The following GLIS1 variants were observed in gnomAD, a reference collection of about 807,000 sequenced individuals.
The protein encoded by GLIS1 is zinc finger protein GLIS1.
Under a neutral mutation model 63.8 loss-of-function variants are expected in GLIS1, and 24 were observed. The ratio of observed to expected loss-of-function variants is 0.38; its 90% CI spans 0.27 to 0.53. The LOEUF is 0.53. Ranked by LOEUF, GLIS1 falls within the 20% of genes least tolerant of loss-of-function variation. GLIS1 has a pLI of 0.85. For synonymous variants in GLIS1, 450 were observed against 482.5 expected (o/e 0.93, Z 0.88); for missense variants, 1,036 against 1,074.1 (o/e 0.96, Z 0.50).
At chr1:53,603,325 G>A (rs1437056285) in intron 2 of GLIS1, among the ~76,000 whole-genome samples, 1 of 152,186 alleles carries the variant, frequency 6.6e-6, no homozygotes, top group Non-Finnish European at 1.5e-5. Context: ...ACCAGGGCCA[G>A]CAAGTGGTCA....
At chr1:53,661,650 G>GT (rs981808349) in intron 2 of GLIS1, among the ~76,000 whole-genome samples, 1 of 152,128 alleles carries the variant, frequency 6.6e-6, no homozygotes, top group Non-Finnish European at 1.5e-5. Flanking sequence ...ACTCCTTAAG[G>GT]TCAAGCAGGA....
chr1:53,642,644 G>A (rs1645800294), intron 2 of GLIS1, among the ~76,000 whole-genome samples: 1 of 152,208 alleles, frequency 6.6e-6, no homozygotes, highest in Admixed American at 6.5e-5. Context: ...CTGTGCTGTA[G>A]GACTTGCCTT....
At chr1:53,731,493 T>G (rs1294065040) in intron 2 of GLIS1, among the ~76,000 whole-genome samples, 1 of 152,170 alleles carries the variant, frequency 6.6e-6, no homozygotes, top group African/African-American at 2.4e-5. Context: ...CCGCCTGGGT[T>G]TAAGAAGCTG....
At chr1:53,651,308 A>T (rs1479470626) in intron 2 of GLIS1, among the ~76,000 whole-genome samples, 2 of 152,272 alleles carry the variant, frequency 1.3e-5, no homozygotes, top group Non-Finnish European at 2.9e-5. Flanking sequence ...AATGAAAACT[A>T]TTAAGCAGTT....
At chr1:53,577,585 G>A (rs1407980022) in intron 4 of GLIS1, among the ~76,000 whole-genome samples, 3 of 152,178 alleles carry the variant, frequency 2.0e-5, no homozygotes, top group South Asian at 2.1e-4. Context: ...CTATCCACCT[G>A]AGGGCAGCCA....
At chr1:53,583,740 G>A (rs1205154190) in intron 4 of GLIS1, among the ~76,000 whole-genome samples, 3 of 152,216 alleles carry the variant, frequency 2.0e-5, no homozygotes, top group Admixed American at 6.5e-5. Flanking sequence ...ATTGCGAGGA[G>A]GAGGGGCCGG....
At chr1:53,528,139 C>T (rs910885531) in intron 5 of GLIS1, among the ~76,000 whole-genome samples, 1 of 152,152 alleles carries the variant, frequency 6.6e-6, no homozygotes, top group African/African-American at 2.4e-5. Flanking sequence ...GGCCAGGGTG[C>T]CACGGGCCCC....
At chr1:53,688,696 G>A (rs1425723245) in intron 2 of GLIS1, 1 of 152,254 alleles carries the variant, frequency 6.6e-6, no homozygotes, top group Admixed American at 6.5e-5. Context: ...AGGAAGAGGT[G>A]CTAAGGAAAA....
At chr1:53,585,225 G>A (rs907734116) in intron 4 of GLIS1, among the ~76,000 whole-genome samples, 22 of 152,190 alleles carry the variant, frequency 1.4e-4, no homozygotes, top group African/African-American at 5.3e-4. Flanking sequence ...AAATGGGGAG[G>A]TGGGGGAAGG....
chr1:53,688,789 A>G (rs1266612064), intron 2 of GLIS1: 2 of 152,210 alleles, frequency 1.3e-5, no homozygotes, highest in African/African-American at 2.4e-5. Flanking sequence ...CTGCCAGAAA[A>G]ATTCTAAAAG....
intron 2 of GLIS1, among the ~76,000 whole-genome samples, chr1:53,653,645 A>T (rs2100336091): frequency 6.6e-6 from 1 of 151,960 alleles, no homozygotes; most frequent in South Asian, 2.1e-4. Context: ...CCTGATCGCC[A>T]TGTGAATTCC....
At chr1:53,675,442 G>A (rs1646200833) in intron 2 of GLIS1, among the ~76,000 whole-genome samples, 1 of 152,174 alleles carries the variant, frequency 6.6e-6, no homozygotes, top group Admixed American at 6.5e-5. Flanking sequence ...CAGAAGCTTG[G>A]GTGGTGCCTG....
intron 2 of GLIS1, among the ~76,000 whole-genome samples, chr1:53,725,997 C>T (rs375225745): frequency 1.3e-5 from 2 of 152,268 alleles, no homozygotes; most frequent in South Asian, 2.1e-4. Context: ...GTCAGAGATG[C>T]GTTCATGACA....
At chr1:53,673,369 G>A (rs897004106) in intron 2 of GLIS1, among the ~76,000 whole-genome samples, 1 of 152,216 alleles carries the variant, frequency 6.6e-6, no homozygotes, top group African/African-American at 2.4e-5. Flanking sequence ...CATGCCTCCA[G>A]TTACACTGTG....
At chr1:53,558,226 C>T (rs2100430029) in intron 4 of GLIS1, among the ~76,000 whole-genome samples, 1 of 152,346 alleles carries the variant, frequency 6.6e-6, no homozygotes, top group East Asian at 1.9e-4. Context: ...GGGCCCGATG[C>T]AGGAAGAGTA....
At chr1:53,726,900 C>A (rs1490962179) in intron 2 of GLIS1, among the ~76,000 whole-genome samples, 15 of 152,250 alleles carry the variant, frequency 9.9e-5, no homozygotes, top group Admixed American at 9.8e-4. Context: ...CAGACAGAGT[C>A]AGGCCTGGGA....
At chr1:53,633,427 T>A (rs902771394) in intron 2 of GLIS1, among the ~76,000 whole-genome samples, 1 of 145,642 alleles carries the variant, frequency 6.9e-6, no homozygotes, top group Non-Finnish European at 1.5e-5. Flanking sequence ...TGAGTGTGAC[T>A]GAGGGGTGTG....
rs1645021089 is a variant in GLIS1, at chr1:53,575,179, A to T, written c.1320+18929T>A. 2.6e-5 allele frequency among the ~76,000 whole-genome samples: 4 copies of T among 152,132 alleles called. No homozygotes were observed. The South Asian group carries it at 6.2e-4, about 24-fold the overall frequency. Reference sequence around the variant, plus strand: ...CTGTGAGTTATCAAGAACGGAGCACAGATTGCAATTAACATCCCGGCTGCC... The same window carrying T: ...CTGTGAGTTATCAAGAACGGAGCACTGATTGCAATTAACATCCCGGCTGCC... On this transcript the variant is annotated intron_variant, in intron 4 of 10. Transcript: ENST00000628545.
chr1:53,601,768 C>G (rs373779140), intron 2 of GLIS1, among the ~76,000 whole-genome samples: 151 of 152,328 alleles, frequency 9.9e-4, no homozygotes, highest in African/African-American at 3.2e-3. Flanking sequence ...TAATAAGAAG[C>G]CTTTTAGAGA....
Sources: allele counts gnomAD v4.1 joint callset (sites outside exome capture counted in the v4.1 genomes callset), GRCh38; gene constraint gnomAD v4.1.1; transcripts MANE v1.5; gene names NCBI Gene and HGNC (gene_info 2026-07-23, HGNC 2026-07-21).